RIMS2: variants seen among roughly 807,000 people sequenced by gnomAD.
RIMS2 encodes regulating synaptic membrane exocytosis 2.
In RIMS2, 59 loss-of-function variants were observed where a neutral mutation model predicts 174.4. That is an observed-to-expected ratio of 0.34 (90% CI 0.27 to 0.42). The LOEUF is 0.42. Ranked by LOEUF, RIMS2 falls within the 10% of genes least tolerant of loss-of-function variation. The probability of loss-of-function intolerance (pLI) is 1.00; values close to 1 mark genes in which losing one functional copy is unlikely to be tolerated. For synonymous variants in RIMS2, 606 were observed against 572.5 expected (o/e 1.06, Z -0.84); for missense variants, 1,620 against 1,666.3 (o/e 0.97, Z 0.48).
chr8:104,235,703 T>A (rs1281738987), intron 19 of RIMS2, among the ~76,000 whole-genome samples: 1 of 152,008 alleles, frequency 6.6e-6, no homozygotes, highest in Admixed American at 6.6e-5. Context: ...ACACGTGGTA[T>A]GTATTTTTAC....
At chr8:103,829,357 T>C (rs2098811597) in intron 3 of RIMS2, among the ~76,000 whole-genome samples, 2 of 152,164 alleles carry the variant, frequency 1.3e-5, no homozygotes, top group Admixed American at 1.3e-4. Flanking sequence ...AGCAATCCCA[T>C]TACTGGGTAT....
chr8:103,966,467 T>C (rs953218856), intron 15 of RIMS2, among the ~76,000 whole-genome samples: 3 of 152,114 alleles, frequency 2.0e-5, no homozygotes, highest in African/African-American at 4.8e-5. Flanking sequence ...TCTGTAGTGA[T>C]GTCCTCTTTT....
chr8:104,149,604 G>A (rs1331864672), intron 19 of RIMS2, among the ~76,000 whole-genome samples: 1 of 152,020 alleles, frequency 6.6e-6, no homozygotes, highest in Non-Finnish European at 1.5e-5. Flanking sequence ...TTGGTATCTT[G>A]GAAATAATAG....
intron 3 of RIMS2, among the ~76,000 whole-genome samples, chr8:103,787,450 C>A (rs1243075390): frequency 1.7e-3 from 251 of 150,260 alleles, no homozygotes; most frequent in Non-Finnish European, 3.0e-3. Context: ...TTCAGGAGCT[C>A]TTTTAGGGCA....
intron 1 of RIMS2, among the ~76,000 whole-genome samples, chr8:103,675,736 C>CT (rs201317775): frequency 0.033 from 4,970 of 149,330 alleles, 221 homozygotes; most frequent in African/African-American, 0.11. Context: ...TTTAAAACTC[C>CT]TTTTTTTTTT....
intron 14 of RIMS2, among the ~76,000 whole-genome samples, chr8:103,943,490 C>A (rs1231734205): frequency 2.6e-5 from 4 of 152,098 alleles, no homozygotes; most frequent in Non-Finnish European, 5.9e-5. Context: ...ACCTGCATTA[C>A]AGGGTAGTTA....
chr8:104,255,641 A>G (rs2099366621), downstream of RIMS2: 1 of 152,202 alleles, frequency 6.6e-6, no homozygotes, highest in Admixed American at 6.5e-5. Context: ...AGAATTAGGC[A>G]AGAGATCACC....
chr8:103,916,458 A>G, exon 8 of RIMS2: 1 of 1,609,976 alleles, frequency 6.2e-7, no homozygotes, highest in Admixed American at 1.7e-5. Flanking sequence ...GCAAGGAGCC[A>G]CATTTGAGGA....
intron 1 of RIMS2, among the ~76,000 whole-genome samples, chr8:103,613,259 TA>T (rs546335810): frequency 1.3e-3 from 197 of 152,292 alleles, no homozygotes; most frequent in African/African-American, 4.4e-3. Flanking sequence ...AACCACAATA[TA>T]AAGTCCTTTT....
At chr8:103,631,629 A>G (rs538679001) in intron 1 of RIMS2, among the ~76,000 whole-genome samples, 1 of 152,288 alleles carries the variant, frequency 6.6e-6, no homozygotes, top group African/African-American at 2.4e-5. Context: ...TTTTGGTTCC[A>G]TGTGAATTTT....
At chr8:103,542,849 G>C (rs1367244683) in intron 1 of RIMS2, among the ~76,000 whole-genome samples, 1 of 152,106 alleles carries the variant, frequency 6.6e-6, no homozygotes, top group Non-Finnish European at 1.5e-5. Context: ...CTTCTAAAAA[G>C]TTAGGTAGAG....
At chr8:103,626,881 CAATA>C (rs763433405) in intron 1 of RIMS2, among the ~76,000 whole-genome samples, 5 of 152,042 alleles carry the variant, frequency 3.3e-5, no homozygotes, top group Non-Finnish European at 5.9e-5. Flanking sequence ...CTTCAAAGGG[CAATA>C]AAGATCCCAA....
At chr8:104,233,355 T>A (rs991093010) in intron 19 of RIMS2, among the ~76,000 whole-genome samples, 2 of 152,162 alleles carry the variant, frequency 1.3e-5, no homozygotes, top group African/African-American at 4.8e-5. Context: ...GTTATCTGCC[T>A]CCGTTATCTG....
intron 14 of RIMS2, among the ~76,000 whole-genome samples, chr8:103,949,412 G>A (rs1467872740): frequency 6.6e-6 from 1 of 151,994 alleles, no homozygotes; most frequent in African/African-American, 2.4e-5. Flanking sequence ...AACAAGTATC[G>A]ATAAGTTTAA....
At chr8:103,685,314 C>T (rs982710683) in intron 1 of RIMS2, among the ~76,000 whole-genome samples, 3 of 152,034 alleles carry the variant, frequency 2.0e-5, no homozygotes, top group Non-Finnish European at 4.4e-5. Context: ...AGACATGTCA[C>T]ATGGCAAGAG....
intron 19 of RIMS2, 28 bp downstream of exon 24, chr8:104,093,671 C>G (rs771877882): frequency 6.4e-7 from 1 of 1,551,222 alleles, no homozygotes; most frequent in African/African-American, 1.4e-5. Flanking sequence ...ACAAACTTCT[C>G]TAAATATGTT....
intron 11 of RIMS2, 22 bp from the exon 14 acceptor site, chr8:103,931,241 A>G: frequency 1.3e-6 from 2 of 1,560,366 alleles, no homozygotes; most frequent in Non-Finnish European, 1.7e-6. Context: ...TGAATTGATA[A>G]ATGAATATTT....
chr8:103,814,927 T>G (rs532291444), intron 3 of RIMS2, among the ~76,000 whole-genome samples: 1 of 152,256 alleles, frequency 6.6e-6, no homozygotes, highest in East Asian at 1.9e-4. Context: ...AAACTAATAA[T>G]CTACTATTTT....
intron 2 of RIMS2, among the ~76,000 whole-genome samples, chr8:103,753,949 G>A (rs565618362): frequency 6.6e-6 from 1 of 152,052 alleles, no homozygotes; most frequent in African/African-American, 2.4e-5. Flanking sequence ...TCTGATCTTA[G>A]TTATTTCTTG....
Sources: gnomAD v4.1 joint callset for allele counts (sites outside exome capture counted in the v4.1 genomes callset) on GRCh38, gnomAD v4.1.1 for gene constraint, MANE v1.5 for transcripts, NCBI Gene and HGNC (gene_info 2026-07-23, HGNC 2026-07-21) for gene names.